Variants in CAMTA1 observed in about 807,000 individuals in gnomAD.
CAMTA1 encodes calmodulin-binding transcription activator 1.
In CAMTA1, 27 loss-of-function variants were observed where a neutral mutation model predicts 170.9. The ratio of observed to expected loss-of-function variants is 0.16; its 90% confidence interval spans 0.12 to 0.22. The LOEUF (loss-of-function observed/expected upper bound fraction) is 0.22. CAMTA1 is among the 10% of genes least tolerant of loss of function. CAMTA1 has a pLI of 1.00. For synonymous variants in CAMTA1, 833 were observed against 891.5 expected, an observed-to-expected ratio of 0.93 and a Z score of 1.17; for missense variants, 1,619 against 2,217.2, an observed-to-expected ratio of 0.73 and a Z score of 5.42.
At chr1:7,760,778 A>C (rs2096968852) in intron 22 of CAMTA1, among the ~76,000 whole-genome samples, 1 of 152,228 alleles carries the variant, frequency 6.6e-6, no homozygotes, top group Non-Finnish European at 1.5e-5. Flanking sequence ...TCTCAAAGCA[A>C]CAGGTAATAA....
chr1:7,533,781 T>C (rs542604315), intron 6 of CAMTA1, among the ~76,000 whole-genome samples: 1 of 152,004 alleles, frequency 6.6e-6, no homozygotes, highest in Non-Finnish European at 1.5e-5. Context: ...GGCATGGTGG[T>C]GTGCACCTGT....
intron 7 of CAMTA1, 22 bp from the exon 8 acceptor site, chr1:7,661,704 C>T (rs772235598): frequency 1.9e-6 from 3 of 1,613,688 alleles, no homozygotes; most frequent in Admixed American, 1.7e-5. Context: ...CTCTGACAGC[C>T]CCCCTGCCTC....
At position 7,055,206 on chromosome 1, in the gene CAMTA1, T is replaced by C. The variant is rs951251075; in HGVS notation, c.235-36098T>C. On this transcript the variant is annotated intron_variant, in intron 3 of 22. Coordinates refer to ENST00000303635, the MANE Select transcript of CAMTA1 (RefSeq NM_015215.4). ...CACAGATCCAAACCATATCAGATAGTAATAGCACCTAGCTTGTTCAGTTGT... is the reference window on the plus strand; with the variant it reads ...CACAGATCCAAACCATATCAGATAGCAATAGCACCTAGCTTGTTCAGTTGT... Among the ~76,000 whole-genome samples, 200 of 152,300 alleles carry C rather than the reference T, an allele frequency of 1.3e-3. 2 individuals are homozygous for C. Among genetic ancestry groups the C allele is most frequent in the Non-Finnish European group, 2.8e-4 (19 of 68,024 alleles).
chr1:7,270,814 C>CA (rs1486629185), intron 5 of CAMTA1, among the ~76,000 whole-genome samples: 1 of 152,128 alleles, frequency 6.6e-6, no homozygotes, highest in Non-Finnish European at 1.5e-5. Flanking sequence ...GACCCTGTCT[C>CA]AAAAACAATG....
chr1:7,382,014 C>T (rs1389570825), intron 5 of CAMTA1, among the ~76,000 whole-genome samples: 3 of 152,200 alleles, frequency 2.0e-5, no homozygotes, highest in Non-Finnish European at 4.4e-5. Context: ...TACCACTGTC[C>T]TCAATAGATA....
chr1:7,112,399 T>C (rs994363746), intron 4 of CAMTA1, among the ~76,000 whole-genome samples: 4 of 152,242 alleles, frequency 2.6e-5, no homozygotes, highest in Admixed American at 2.0e-4. Flanking sequence ...CACCATGTTT[T>C]TCTTCACTAT....
chr1:6,851,748 T>A (rs1660437143), intron 3 of CAMTA1, among the ~76,000 whole-genome samples: 1 of 152,150 alleles, frequency 6.6e-6, no homozygotes, highest in Non-Finnish European at 1.5e-5. Flanking sequence ...GCATGATGGT[T>A]CATGCCTGTA....
At chr1:7,320,028 A>G (rs776805870) in intron 5 of CAMTA1, among the ~76,000 whole-genome samples, 2 of 152,204 alleles carry the variant, frequency 1.3e-5, no homozygotes, top group Non-Finnish European at 2.9e-5. Context: ...TTCTACATAT[A>G]CAATCATGCC....
intron 5 of CAMTA1, among the ~76,000 whole-genome samples, chr1:7,446,523 C>T (rs1034143284): frequency 6.6e-6 from 1 of 152,168 alleles, no homozygotes; most frequent in South Asian, 2.1e-4. Context: ...GCCTGGCCAC[C>T]AGGAGGGCCC....
chr1:7,647,044 G>A (rs2095811762), intron 7 of CAMTA1, among the ~76,000 whole-genome samples: 1 of 152,182 alleles, frequency 6.6e-6, no homozygotes, highest in Admixed American at 6.5e-5. Flanking sequence ...TCATTGCTGA[G>A]CAGTGGCTGC....
chr1:7,613,824 G>C (rs2095540405), intron 6 of CAMTA1, among the ~76,000 whole-genome samples: 1 of 150,700 alleles, frequency 6.6e-6, no homozygotes, highest in African/African-American at 2.4e-5. Context: ...GCTGGACCCA[G>C]AGGAGTCGGG....
chr1:6,976,819 C>T (rs1301597340), intron 3 of CAMTA1, among the ~76,000 whole-genome samples: 1 of 152,192 alleles, frequency 6.6e-6, no homozygotes, highest in African/African-American at 2.4e-5. Flanking sequence ...CCATAATTCC[C>T]ACTTGTTGTG....
intron 3 of CAMTA1, among the ~76,000 whole-genome samples, chr1:6,940,801 C>T (rs187463774): frequency 5.9e-4 from 76 of 127,998 alleles, no homozygotes; most frequent in African/African-American, 2.1e-3. Context: ...ACACAGCCCC[C>T]TTCCTCACCG....
At chr1:7,175,254 C>A (rs573971426) in intron 4 of CAMTA1, among the ~76,000 whole-genome samples, 222 of 134,636 alleles carry the variant, frequency 1.6e-3, no homozygotes, top group African/African-American at 5.5e-3. Context: ...GGCCACGGTG[C>A]GGCTGGCAGT....
At chr1:6,953,321 A>G (rs1429949169) in intron 3 of CAMTA1, among the ~76,000 whole-genome samples, 1 of 152,148 alleles carries the variant, frequency 6.6e-6, no homozygotes, top group Admixed American at 6.6e-5. Flanking sequence ...AGCCATGTGG[A>G]GACCTGGAAG....
chr1:7,371,317 G>T (rs2086452783), intron 5 of CAMTA1, among the ~76,000 whole-genome samples: 1 of 150,912 alleles, frequency 6.6e-6, no homozygotes, highest in South Asian at 2.1e-4. Flanking sequence ...GAGTGCAGTG[G>T]CGTATCTCGG....
chr1:6,959,120 A>G (rs999013808), intron 3 of CAMTA1, among the ~76,000 whole-genome samples: 1 of 152,242 alleles, frequency 6.6e-6, no homozygotes, highest in African/African-American at 2.4e-5. Flanking sequence ...AACATCAGCA[A>G]TTCTGCAGAG....
intron 5 of CAMTA1, among the ~76,000 whole-genome samples, chr1:7,347,745 G>A (rs145565487): frequency 6.6e-5 from 10 of 152,124 alleles, no homozygotes; most frequent in African/African-American, 1.2e-4. Flanking sequence ...TTGCAGCTGC[G>A]TCCCTGCATC....
chr1:6,961,420 T>C (rs886243324), intron 3 of CAMTA1, among the ~76,000 whole-genome samples: 11 of 151,696 alleles, frequency 7.3e-5, no homozygotes, highest in Non-Finnish European at 1.5e-4. Context: ...GTGTAGGGAA[T>C]TGGGGTGCTG....
Sources: gnomAD v4.1 joint callset for allele counts (sites outside exome capture counted in the v4.1 genomes callset) on GRCh38, gnomAD v4.1.1 for gene constraint, MANE v1.5 for transcripts, NCBI Gene and HGNC (gene_info 2026-07-23, HGNC 2026-07-21) for gene names.